INSR: variants seen among roughly 807,000 people sequenced by gnomAD.
INSR encodes the protein insulin receptor.
A neutral mutation model predicts 142.6 loss-of-function variants in INSR; 67 were observed. That is an observed-to-expected ratio of 0.47 (90% CI 0.39 to 0.58). The LOEUF (loss-of-function observed/expected upper bound fraction) is 0.58, where lower values mean the gene tolerates loss of function less well. INSR is among the 20% of genes least tolerant of loss of function. The pLI, the probability that INSR is intolerant of heterozygous loss-of-function variation, is 0.00. For missense variants in INSR, 1,248 were observed against 1,833.2 expected (o/e 0.68, Z 5.83); for synonymous variants, 756 against 743.1 (o/e 1.02, Z -0.28).
Position 7,293,772 on chromosome 19 carries a change from G to A in INSR, c.100+20C>T. On this transcript the variant is annotated intron_variant, in intron 1 of 21. Transcript: ENST00000302850. ...CCCCATCGCGGCGCTCCCCGCCCAC[G>A]CCCGCGCCCCCAGACTCACCCTCTC... is the stretch of plus-strand genomic sequence containing the variant. The A allele has an allele frequency of 7.5e-7, 1 of 1,332,686 alleles. No individual in the cohort carries two copies. The highest frequency in any genetic ancestry group is 2.9e-5 in the Admixed American group (1 of 34,898). 82.6% of individuals were successfully genotyped at this position (1,332,686 alleles called of 1,614,324 possible). A position where few individuals can be genotyped will look rare whatever the true frequency, so the allele number is the denominator to read the frequency against.
At chr19:7,145,962 A>T (rs910916136) in intron 11 of INSR, among the ~76,000 whole-genome samples, 1 of 152,148 alleles carries the variant, frequency 6.6e-6, no homozygotes, top group African/African-American at 2.4e-5. Context: ...TGTAGAAGAA[A>T]TATTCTATTA....
intron 4 of INSR, among the ~76,000 whole-genome samples, chr19:7,173,012 G>C (rs1974054794): frequency 6.6e-6 from 1 of 152,136 alleles, no homozygotes; most frequent in Admixed American, 6.6e-5. Flanking sequence ...AGCTGACATG[G>C]GTCTATGGCT....
chr19:7,154,300 CTT>C (rs762914829), intron 9 of INSR, among the ~76,000 whole-genome samples: 4,668 of 107,106 alleles, frequency 0.044, 171 homozygotes, highest in East Asian at 0.24. Context: ...ACCACAATTA[CTT>C]TTTTTTTTTT....
intron 2 of INSR, among the ~76,000 whole-genome samples, chr19:7,232,859 C>T (rs1196864088): frequency 6.6e-6 from 1 of 152,044 alleles, no homozygotes; most frequent in Non-Finnish European, 1.5e-5. Flanking sequence ...ATAACAGTAG[C>T]TACAATAGGT....
intron 8 of INSR, among the ~76,000 whole-genome samples, chr19:7,164,073 G>C (rs1973830508): frequency 8.5e-6 from 1 of 116,978 alleles, no homozygotes; most frequent in African/African-American, 3.3e-5. Flanking sequence ...CAGCCTGAGA[G>C]ACAAGAGTGA....
chr19:7,139,821 C>CT (rs10673049), intron 13 of INSR, among the ~76,000 whole-genome samples: 1,344 of 115,704 alleles, frequency 0.012, 58 homozygotes, highest in African/African-American at 0.032. Context: ...GTTGCGTATT[C>CT]TTTTTTTTTT....
intron 13 of INSR, among the ~76,000 whole-genome samples, chr19:7,133,656 G>C (rs1972838397): frequency 3.3e-5 from 5 of 152,184 alleles, no homozygotes; most frequent in African/African-American, 1.2e-4. Flanking sequence ...GAGGTCAGGA[G>C]TTCGAGACCA....
chr19:7,184,957 G>T (rs1224322844), intron 2 of INSR, among the ~76,000 whole-genome samples: 3 of 152,104 alleles, frequency 2.0e-5, no homozygotes, highest in Admixed American at 6.6e-5. Flanking sequence ...TCCTACCAGT[G>T]GTGGATTTCA....
At position 7,142,921 on chromosome 19, in the gene INSR, G is replaced by T. The variant is rs371294434; in HGVS notation, c.2437C>A (p.Arg813=). The T allele has an allele frequency of 1.9e-6, 3 of 1,613,940 alleles. No homozygotes were observed. Among genetic ancestry groups the T allele is most frequent in the African/African-American group, 2.7e-5 (2 of 74,900 alleles). Reference sequence around the variant, plus strand: ...TCGATGCGATAGCCCGTGAAGTGTCGCAAGCCGGAGATGACCAGCGACTCC... The same window carrying T: ...TCGATGCGATAGCCCGTGAAGTGTCTCAAGCCGGAGATGACCAGCGACTCC... ...NKESLVISGL[R]HFTGYRIELQ... The change falls in exon 12 of 22, where the codon CGA becomes AGA. Residue 813 remains arginine (R), a synonymous_variant. Transcript: ENST00000302850.
chr19:7,230,202 G>A (rs192558042), intron 2 of INSR, among the ~76,000 whole-genome samples: 67 of 152,250 alleles, frequency 4.4e-4, no homozygotes, highest in Non-Finnish European at 6.6e-4. Flanking sequence ...GCTTAGGTAG[G>A]GAAGATGGAT....
chr19:7,142,623 G>A (rs1340131968), intron 12 of INSR, among the ~76,000 whole-genome samples, 193 bp downstream of exon 12: 4 of 152,018 alleles, frequency 2.6e-5, no homozygotes, highest in Admixed American at 2.0e-4. Context: ...GACATAGGTG[G>A]CAGAGGCTGG....
At chr19:7,280,684 T>C (rs1448851039) in intron 1 of INSR, among the ~76,000 whole-genome samples, 1 of 149,792 alleles carries the variant, frequency 6.7e-6, no homozygotes, top group African/African-American at 2.5e-5. Flanking sequence ...GCCATTGCAC[T>C]CCAGCCTGGG....
At chr19:7,153,591 G>A (rs942222095) in intron 9 of INSR, among the ~76,000 whole-genome samples, 1 of 151,606 alleles carries the variant, frequency 6.6e-6, no homozygotes, top group African/African-American at 2.4e-5. Context: ...TATGGTTCAC[G>A]CCTGTGGTCC....
chr19:7,245,499 A>T (rs773730298), intron 2 of INSR, among the ~76,000 whole-genome samples: 25 of 151,950 alleles, frequency 1.6e-4, no homozygotes, highest in Non-Finnish European at 2.8e-4. Flanking sequence ...ACCCAGACTC[A>T]AGTGCAGTGG....
chr19:7,279,333 A>G (rs1157891166), intron 1 of INSR, among the ~76,000 whole-genome samples: 1 of 151,590 alleles, frequency 6.6e-6, no homozygotes, highest in Non-Finnish European at 1.5e-5. Context: ...AAAGAGAGAA[A>G]CAGCCTTCTG....
chr19:7,214,124 G>A (rs1011917121), intron 2 of INSR, among the ~76,000 whole-genome samples: 2 of 152,146 alleles, frequency 1.3e-5, no homozygotes, highest in African/African-American at 4.8e-5. Flanking sequence ...ATGTGATGAA[G>A]GTGTTTTCTC....
At position 7,159,108 on chromosome 19, in the gene INSR, G is replaced by A. The variant is rs1432456104; in HGVS notation, c.2029+3924C>T. ...AGTAGAGACGGGGTTTCACCATGTTGCCCAGGCTGGTCTCGAACTCCTGGC... is the reference window on the plus strand; with the variant it reads ...AGTAGAGACGGGGTTTCACCATGTTACCCAGGCTGGTCTCGAACTCCTGGC... On this transcript the variant is annotated intron_variant, in intron 9 of 21. Coordinates refer to ENST00000302850, the MANE Select transcript of INSR (RefSeq NM_000208.4). This position sits in a 1 kb window ranked among gnomAD's most constrained non-coding sequence, Gnocchi z 4.3. 1.3e-5 allele frequency among the ~76,000 whole-genome samples: 2 copies of A among 152,026 alleles called. No homozygotes were observed. The highest frequency in any genetic ancestry group is 4.8e-5 in the African/African-American group (2 of 41,384).
At chr19:7,164,248 C>G (rs1428131596) in intron 8 of INSR, among the ~76,000 whole-genome samples, 1 of 152,084 alleles carries the variant, frequency 6.6e-6, no homozygotes, top group Non-Finnish European at 1.5e-5. Context: ...CTCTGGCTTC[C>G]GCCCACGAAA....
At chr19:7,134,137 C>T (rs929991957) in intron 13 of INSR, among the ~76,000 whole-genome samples, 1 of 151,456 alleles carries the variant, frequency 6.6e-6, no homozygotes, top group Non-Finnish European at 1.5e-5. Context: ...CGAGATCGCG[C>T]CACTTAAGTC....
Sources: allele counts gnomAD v4.1 joint callset (sites outside exome capture counted in the v4.1 genomes callset), GRCh38; gene constraint gnomAD v4.1.1; non-coding constraint Gnocchi (gnomAD v3.1); transcripts MANE v1.5; gene names NCBI Gene and HGNC (gene_info 2026-07-23, HGNC 2026-07-21).